Variants in PHF2 observed in about 807,000 individuals in gnomAD.
PHF2 encodes PHD finger protein 2, also known as lysine-specific demethylase PHF2.
Under a neutral mutation model 120.5 loss-of-function variants are expected in PHF2, and 27 were observed. The observed-to-expected ratio is 0.22, with a 90% confidence interval of 0.17 to 0.31. The LOEUF (loss-of-function observed/expected upper bound fraction) is 0.31, where lower values mean the gene tolerates loss of function less well. PHF2 is among the 10% of genes least tolerant of loss of function. The pLI is 1.00. For synonymous variants in PHF2, 568 were observed against 592.5 expected (o/e 0.96, Z 0.60); for missense variants, 1,024 against 1,434.8 (o/e 0.71, Z 4.63).
Position 93,656,065 on chromosome 9 carries a change from C to T in PHF2, c.1040+44C>T, listed in dbSNP as rs1320588271. 6.6e-6 allele frequency: 10 copies of T among 1,520,322 alleles called. No individual in the cohort carries two copies. The highest frequency in any genetic ancestry group is 3.6e-5 in the Admixed American group (2 of 55,848). 94.2% of individuals were successfully genotyped at this position (1,520,322 alleles called of 1,614,324 possible). On this transcript the variant is annotated intron_variant, in intron 8 of 21. Coordinates refer to ENST00000359246, the MANE Select transcript of PHF2 (RefSeq NM_005392.4). The surrounding 1 kb of genome is among the most constrained non-coding windows in gnomAD (Gnocchi z 4.1). ...TCTGCCCTCGGGCTCCGCAGAGCAG[C>T]GTCCTCCCTCTAGCTGGGTCGGTGC...
chr9:93,671,142 A>G, intron 17 of PHF2: 1 of 977,564 alleles, frequency 1.0e-6, no homozygotes, highest in South Asian at 4.8e-5. Context: ...GTAGGTGCAG[A>G]TGCAGGTGTG....
At chr9:93,657,013 G>A (rs1000445732) in intron 9 of PHF2, among the ~76,000 whole-genome samples, 1 of 152,070 alleles carries the variant, frequency 6.6e-6, no homozygotes, top group Non-Finnish European at 1.5e-5. Context: ...CAACTGGACC[G>A]TGAGGCAGGC....
rs766192904 is a variant in PHF2 at position 93,665,971 on chromosome 9, C to T, written c.2117-19C>T. ...CCCCGCAAGGCCTCCCGCTGGACTG[C>T]CATCTGCTGTGCTTTCAGTCTTGTT... is the stretch of plus-strand genomic sequence containing the variant. On this transcript the variant is annotated intron_variant, in intron 15 of 21. Transcript: ENST00000359246. The T allele has an allele frequency of 2.5e-6, 4 of 1,613,184 alleles. No homozygotes were observed. The highest frequency in any genetic ancestry group is 4.5e-5 in the East Asian group (2 of 44,834).
At chr9:93,602,845 C>T (rs1282009800) in intron 1 of PHF2, among the ~76,000 whole-genome samples, 3 of 152,152 alleles carry the variant, frequency 2.0e-5, no homozygotes, top group Non-Finnish European at 4.4e-5. Flanking sequence ...CTCAAAGGGT[C>T]ACTTAGGTGT....
intron 1 of PHF2, among the ~76,000 whole-genome samples, chr9:93,598,992 C>T (rs1825383283): frequency 6.6e-6 from 1 of 152,166 alleles, no homozygotes; most frequent in Non-Finnish European, 1.5e-5. Context: ...TTGTTTTGTA[C>T]TGTGCGTGCC....
At chr9:93,589,923 T>C (rs1863138327) in intron 1 of PHF2, among the ~76,000 whole-genome samples, 1 of 152,172 alleles carries the variant, frequency 6.6e-6, no homozygotes, top group Non-Finnish European at 1.5e-5. Flanking sequence ...CTGCTGGGGC[T>C]CCAGCAAACA....
intron 3 of PHF2, 139 bp from the exon 4 acceptor site, chr9:93,645,490 G>T: frequency 2.4e-6 from 2 of 845,244 alleles, no homozygotes. Flanking sequence ...TGGCACCACG[G>T]CCAGGCCTCC....
At chr9:93,615,112 AT>A (rs1348045098) in intron 1 of PHF2, among the ~76,000 whole-genome samples, 1 of 150,858 alleles carries the variant, frequency 6.6e-6, no homozygotes, top group Non-Finnish European at 1.5e-5. Flanking sequence ...AAAGATGGTG[AT>A]GGTGATGGCG....
intron 12 of PHF2, among the ~76,000 whole-genome samples, chr9:93,661,919 G>A (rs1826574945): frequency 1.3e-5 from 2 of 151,798 alleles, no homozygotes; most frequent in African/African-American, 4.8e-5. Flanking sequence ...ATAGATGAAT[G>A]AAAAAATGGA....
intron 1 of PHF2, among the ~76,000 whole-genome samples, chr9:93,620,212 G>A (rs1049719985): frequency 2.0e-5 from 3 of 152,206 alleles, no homozygotes; most frequent in African/African-American, 7.2e-5. Flanking sequence ...GTTCCCAGGA[G>A]GGAGAGGCCC....
chr9:93,579,519 C>T (rs1247655679), intron 1 of PHF2, among the ~76,000 whole-genome samples: 2 of 152,216 alleles, frequency 1.3e-5, no homozygotes, highest in African/African-American at 4.8e-5. Flanking sequence ...GTGTTCCCCA[C>T]TTAATGTCGT....
chr9:93,591,641 T>G (rs1360835044), intron 1 of PHF2, among the ~76,000 whole-genome samples: 1 of 152,186 alleles, frequency 6.6e-6, no homozygotes, highest in African/African-American at 2.4e-5. Context: ...GAATTCAGCT[T>G]CGATCCTAGG....
chr9:93,677,441 G>A lies in PHF2; in HGVS notation c.3203-147G>A. 1 of 687,836 alleles carries A rather than the reference G, an allele frequency of 1.5e-6. No individual in the cohort carries two copies. Among genetic ancestry groups the A allele is most frequent in the African/African-American group, 1.8e-5 (1 of 55,882 alleles). The allele number at this position is 687,836 out of a possible 1,614,324, so 42.6% of individuals were successfully genotyped here. A position where few individuals can be genotyped will look rare whatever the true frequency, so the allele number is the denominator to read the frequency against. ...AGACTCCTGAAGGGTGCTGAGCTCG[G>A]AGCTGGGGCTTCATAGGCCCATTTT... On this transcript the variant is annotated intron_variant, in intron 21 of 21. Coordinates refer to ENST00000359246, the MANE Select transcript of PHF2 (RefSeq NM_005392.4). This position sits in a 1 kb window ranked among gnomAD's most constrained non-coding sequence, Gnocchi z 4.4.
Position 93,673,831 on chromosome 9 carries a change from C to T in PHF2, c.2595C>T (p.His865=), listed in dbSNP as rs781374042. The change falls in exon 18 of 22, where the codon CAC becomes CAT. Residue 865 remains histidine, a synonymous_variant. Transcript: ENST00000359246. Reference sequence around the variant, plus strand: ...ACGACTACGAGGAAGAGCAGGACCACCTGGATGCCTGCTTCAAGGACTCAG... The same window carrying T: ...ACGACTACGAGGAAGAGCAGGACCATCTGGATGCCTGCTTCAAGGACTCAG... ...DLDDYEEEQD[H]LDACFKDSDY... 10 of 1,602,678 alleles carry T rather than the reference C, an allele frequency of 6.2e-6. No homozygotes were observed. In the Admixed American group the frequency reaches 1.7e-4, roughly 27 times the overall value.
chr9:93,674,042 C>G (rs1826863379), intron 18 of PHF2, among the ~76,000 whole-genome samples, 180 bp downstream of exon 18: 1 of 152,198 alleles, frequency 6.6e-6, no homozygotes, highest in African/African-American at 2.4e-5. Context: ...TGGCCGGGGC[C>G]CACATCTGGT....
chr9:93,652,592 A>C (rs1826387808), intron 5 of PHF2, among the ~76,000 whole-genome samples: 1 of 152,166 alleles, frequency 6.6e-6, no homozygotes, highest in Admixed American at 6.5e-5. Flanking sequence ...TGCCCAGCCT[A>C]GTTTGACATT....
rs1418657028 is a variant in PHF2, at chr9:93,603,250, C to A, written c.98+26379C>A. On this transcript the variant is annotated intron_variant, in intron 1 of 21. Transcript: ENST00000359246. ...TCTATGATCCCGGTCTGAGAAAAGA[C>A]CCCAGGGTCAGAGGCACTCGGATGG... is the stretch of plus-strand genomic sequence containing the variant. 2.0e-5 allele frequency among the ~76,000 whole-genome samples: 3 copies of A among 152,126 alleles called. No individual in the cohort carries two copies. The East Asian group carries it at 5.8e-4, about 29-fold the overall frequency.
In PHF2 at chr9:93,666,048, G is replaced by A. The variant is rs34289742; in HGVS notation, c.2175G>A (p.Ser725=). ...PTPVTKPKLD[S]AAYKSDDSSD... is the part of the protein sequence containing the mutation. Reference sequence around the variant, plus strand: ...CTGTCACGAAGCCAAAGCTGGACTCGGCAGCGTACAAGGTGAGCTGCCTTA... The same window carrying A: ...CTGTCACGAAGCCAAAGCTGGACTCAGCAGCGTACAAGGTGAGCTGCCTTA... Residue 725 remains serine, a synonymous_variant, in exon 16 of 22, where the codon TCG becomes TCA. Transcript: ENST00000359246. 1,688 of 1,613,092 alleles carry A rather than the reference G, an allele frequency of 1.0e-3. 12 individuals carry two copies. In the African/African-American group the frequency reaches 0.019, roughly 18 times the overall value.
chr9:93,584,777 A>T (rs1863004348), intron 1 of PHF2, among the ~76,000 whole-genome samples: 2 of 152,206 alleles, frequency 1.3e-5, no homozygotes. Context: ...TCTGCAAAAA[A>T]ACCGCTGTTG....
Sources: gnomAD v4.1 joint callset for allele counts (sites outside exome capture counted in the v4.1 genomes callset) on GRCh38, gnomAD v4.1.1 for gene constraint, Gnocchi (gnomAD v3.1) non-coding constraint, MANE v1.5 for transcripts, NCBI Gene and HGNC (gene_info 2026-07-23, HGNC 2026-07-21) for gene names.